The following APBA1 variants were observed in gnomAD, a reference collection of about 807,000 sequenced individuals.
The protein encoded by APBA1 is amyloid-beta A4 precursor protein-binding family A member 1.
In APBA1, 55 loss-of-function variants were observed where a neutral mutation model predicts 86.6. The observed-to-expected ratio is 0.64, with a 90% CI of 0.51 to 0.80. The LOEUF (loss-of-function observed/expected upper bound fraction) is 0.80. Ranked by LOEUF, APBA1 falls within the 30% of genes least tolerant of loss-of-function variation. The pLI is 0.00. For missense variants in APBA1, 1,090 were observed against 1,183.0 expected (o/e 0.92, Z 1.15); for synonymous variants, 511 against 493.9 (o/e 1.03, Z -0.46).
chr9:69,506,220 G>A (rs1436034995), intron 2 of APBA1, among the ~76,000 whole-genome samples: 7 of 151,944 alleles, frequency 4.6e-5, no homozygotes, highest in South Asian at 4.2e-4. Context: ...CGCACCGTGC[G>A]CGAGCCAAAG....
chr9:69,452,367 A>G (rs1835025886), intron 8 of APBA1, 66 bp from the exon 9 acceptor site: 1 of 1,499,622 alleles, frequency 6.7e-7, no homozygotes, highest in Non-Finnish European at 9.1e-7. Context: ...GGCCTGGCGC[A>G]CTTCCCACCT....
chr9:69,562,375 C>T (rs1564077926), intron 1 of APBA1, among the ~76,000 whole-genome samples: 1 of 149,100 alleles, frequency 6.7e-6, no homozygotes, highest in African/African-American at 2.5e-5. Flanking sequence ...TCTTTCTTTT[C>T]TTTTCTTTTT....
At chr9:69,594,442 T>C (rs1822191279) in intron 1 of APBA1, among the ~76,000 whole-genome samples, 1 of 152,100 alleles carries the variant, frequency 6.6e-6, no homozygotes, top group Non-Finnish European at 1.5e-5. Flanking sequence ...GGACTTCTTA[T>C]CTATCCAGGT....
At chr9:69,493,313 GAA>G (rs1168895936) in intron 2 of APBA1, among the ~76,000 whole-genome samples, 2 of 151,802 alleles carry the variant, frequency 1.3e-5, no homozygotes, top group Non-Finnish European at 2.9e-5. Flanking sequence ...AATCCAAACT[GAA>G]CTACTTTCTG....
chr9:69,641,968 C>T (rs1449000728), intron 1 of APBA1, among the ~76,000 whole-genome samples: 1 of 152,182 alleles, frequency 6.6e-6, no homozygotes, highest in Admixed American at 6.5e-5. Flanking sequence ...GCTTCAGCCT[C>T]CCAAGTAGTT....
intron 1 of APBA1, among the ~76,000 whole-genome samples, chr9:69,575,514 G>A (rs1821777056): frequency 6.6e-6 from 1 of 152,108 alleles, no homozygotes; most frequent in Non-Finnish European, 1.5e-5. Flanking sequence ...CAGAGATATA[G>A]ACCAATGGAA....
intron 9 of APBA1, among the ~76,000 whole-genome samples, chr9:69,450,056 GTTTTTT>G (rs58417611): frequency 1.4e-4 from 13 of 94,162 alleles, no homozygotes; most frequent in African/African-American, 2.2e-4. Context: ...AGGACCACCA[GTTTTTT>G]TTTTTTTTTT....
chr9:69,663,802 C>T, intron 1 of APBA1, among the ~76,000 whole-genome samples: 1 of 152,110 alleles, frequency 6.6e-6, no homozygotes, highest in East Asian at 1.9e-4. Flanking sequence ...TGACAACCTC[C>T]TGTGATCACT....
intron 5 of APBA1, 81 bp downstream of exon 5, chr9:69,467,742 T>A: frequency 6.5e-7 from 1 of 1,541,684 alleles, no homozygotes; most frequent in South Asian, 1.2e-5. Context: ...AAACTATATG[T>A]GGAGTTGTGG....
At chr9:69,485,167 C>T (rs1220219209) in intron 2 of APBA1, among the ~76,000 whole-genome samples, 1 of 151,940 alleles carries the variant, frequency 6.6e-6, no homozygotes, top group Non-Finnish European at 1.5e-5. Flanking sequence ...ATGACTGTCA[C>T]CTGGGCTCCA....
intron 1 of APBA1, among the ~76,000 whole-genome samples, chr9:69,663,649 C>T (rs1339151343): frequency 6.6e-6 from 1 of 152,100 alleles, no homozygotes; most frequent in Non-Finnish European, 1.5e-5. Flanking sequence ...GGAATGGTGG[C>T]CAATTAATTC....
rs758511300 is a variant in APBA1 at position 69,467,815 on chromosome 9, G to A, written c.1482+8C>T. ...CCTGTCCCTGTTGGAGCACCCAGATGTCCTCACCTTGATCCTGCTTACGGC... is the reference window on the plus strand; with the variant it reads ...CCTGTCCCTGTTGGAGCACCCAGATATCCTCACCTTGATCCTGCTTACGGC... On this transcript the variant is annotated splice_region_variant and intron_variant, in intron 5 of 12. Coordinates refer to ENST00000265381, the MANE Select transcript of APBA1 (RefSeq NM_001163.4). 6.8e-6 allele frequency: 11 copies of A among 1,614,040 alleles called. No individual in the cohort carries two copies. The East Asian group carries it at 2.4e-4, about 36-fold the overall frequency.
intron 4 of APBA1, 30 bp downstream of exon 4, chr9:69,471,626 A>T: frequency 6.3e-7 from 1 of 1,595,760 alleles, no homozygotes; most frequent in South Asian, 1.1e-5. Flanking sequence ...TGAATGACTC[A>T]GTGCTCAGTA....
chr9:69,452,373 C>T, intron 8 of APBA1, 72 bp from the exon 9 acceptor site: 1 of 1,465,330 alleles, frequency 6.8e-7, no homozygotes, highest in Non-Finnish European at 9.4e-7. Flanking sequence ...GCGCACTTCC[C>T]ACCTGAACAA....
At chr9:69,672,579 G>C (rs1283831961), upstream of APBA1, among the ~76,000 whole-genome samples, 1 of 149,376 alleles carries the variant, frequency 6.7e-6, no homozygotes, top group African/African-American at 2.4e-5. Flanking sequence ...CGGCACCGCT[G>C]ATGTCCTCCG....
At chr9:69,520,485 A>T (rs1836234243) in intron 1 of APBA1, among the ~76,000 whole-genome samples, 1 of 152,148 alleles carries the variant, frequency 6.6e-6, no homozygotes, top group African/African-American at 2.4e-5. Flanking sequence ...AAAAGCAAAA[A>T]TTTTAAACAC....
intron 1 of APBA1, among the ~76,000 whole-genome samples, chr9:69,664,754 C>T (rs1489248780): frequency 6.6e-6 from 1 of 152,116 alleles, no homozygotes; most frequent in Non-Finnish European, 1.5e-5. Flanking sequence ...AAACTGAGGG[C>T]CACCCTATAA....
intron 1 of APBA1, among the ~76,000 whole-genome samples, chr9:69,667,899 A>C (rs1823872741): frequency 6.6e-6 from 1 of 152,080 alleles, no homozygotes; most frequent in Admixed American, 6.6e-5. Flanking sequence ...TCCAAGAGTC[A>C]AATCCAATGG....
chr9:69,667,415 T>C (rs1208594945), intron 1 of APBA1, among the ~76,000 whole-genome samples: 1 of 152,038 alleles, frequency 6.6e-6, no homozygotes, highest in East Asian at 1.9e-4. Context: ...CTCACTGCTC[T>C]GTTTCCACAA....
Sources: allele counts gnomAD v4.1 joint callset (sites outside exome capture counted in the v4.1 genomes callset), GRCh38; gene constraint gnomAD v4.1.1; transcripts MANE v1.5; gene names NCBI Gene and HGNC (gene_info 2026-07-23, HGNC 2026-07-21).